The following ASH1L variants were observed in gnomAD, a reference collection of about 807,000 sequenced individuals.
ASH1L encodes ASH1 like histone lysine methyltransferase.
A neutral mutation model predicts 269.0 loss-of-function variants in ASH1L; 23 were observed. The observed-to-expected ratio is 0.09, with a 90% CI of 0.06 to 0.12. The LOEUF is 0.12. Among genes scored for constraint, ASH1L ranks in the 10% least tolerant of loss-of-function variants. The pLI, the probability that ASH1L is intolerant of heterozygous loss-of-function variation, is 1.00. For missense variants in ASH1L, 2,912 were observed against 3,567.8 expected (o/e 0.82, Z 4.68); for synonymous variants, 1,187 against 1,253.5 (o/e 0.95, Z 1.12).
rs371710202 is a variant in ASH1L, at chr1:155,438,512, C to G, written c.5643G>C (p.Glu1881Asp). 1.9e-6 allele frequency: 3 copies of G among 1,613,268 alleles called. No homozygotes were observed. The highest frequency in any genetic ancestry group is 2.5e-6 in the Non-Finnish European group (3 of 1,179,662). The change falls in exon 5 of 28, where the codon GAG becomes GAC. Residue 1881 changes from glutamate to aspartate, a missense_variant. This residue lies in a region of ASH1L where 789 missense variants were observed against 897.6 expected (regional missense o/e 0.88). Transcript: ENST00000392403. ...QFVNPELNRD[E>D]EGAALHLSPD... Reference sequence around the variant, plus strand: ...GACTGAGGTGCAGTGCTGCTCCTTCCTCGTCTCTGTTCAATTCTGGGTTGA... The same window carrying G: ...GACTGAGGTGCAGTGCTGCTCCTTCGTCGTCTCTGTTCAATTCTGGGTTGA...
chr1:155,385,611 C>G (rs183437991), intron 7 of ASH1L, among the ~76,000 whole-genome samples: 2 of 152,168 alleles, frequency 1.3e-5, no homozygotes, highest in Admixed American at 1.3e-4. Flanking sequence ...ATTGTCTTCC[C>G]AAAGTGCTGG....
chr1:155,395,162 G>A (rs1289869051), intron 7 of ASH1L, among the ~76,000 whole-genome samples: 1 of 151,992 alleles, frequency 6.6e-6, no homozygotes, highest in Non-Finnish European at 1.5e-5. Context: ...TCAACTCCTG[G>A]GCTCAAGCAA....
At chr1:155,423,197 C>T (rs887536429) in intron 5 of ASH1L, among the ~76,000 whole-genome samples, 4 of 151,842 alleles carry the variant, frequency 2.6e-5, no homozygotes, top group South Asian at 2.1e-4. Flanking sequence ...GATCTACCCA[C>T]CTCGGCCTCC....
intron 5 of ASH1L, among the ~76,000 whole-genome samples, chr1:155,430,859 C>G (rs1393374387): frequency 6.6e-6 from 1 of 152,068 alleles, no homozygotes; most frequent in Non-Finnish European, 1.5e-5. Context: ...CTGGGTTCAA[C>G]CAATCCTCCA....
At chr1:155,532,295 C>A (rs1669720472) in intron 1 of ASH1L, among the ~76,000 whole-genome samples, 1 of 152,126 alleles carries the variant, frequency 6.6e-6, no homozygotes, top group South Asian at 2.1e-4. Flanking sequence ...TAGAAAATTA[C>A]TAACCATATG....
intron 5 of ASH1L, among the ~76,000 whole-genome samples, chr1:155,422,239 C>T (rs1422744962): frequency 9.9e-5 from 15 of 150,938 alleles, no homozygotes; most frequent in African/African-American, 2.9e-4. Flanking sequence ...TGGGTTCAAG[C>T]GATTCTCCTG....
chr1:155,505,138 A>G (rs1401596987), intron 2 of ASH1L, among the ~76,000 whole-genome samples: 2 of 152,230 alleles, frequency 1.3e-5, no homozygotes, highest in East Asian at 1.9e-4. Context: ...TTTTCTTACT[A>G]TTTACCTACA....
At chr1:155,404,584 C>T (rs1053368183) in intron 6 of ASH1L, among the ~76,000 whole-genome samples, 4 of 151,926 alleles carry the variant, frequency 2.6e-5, no homozygotes, top group South Asian at 2.1e-4. Context: ...ACACACATGA[C>T]GGAATCCACT....
chr1:155,350,722 A>T (rs1570966592), intron 17 of ASH1L, among the ~76,000 whole-genome samples: 2 of 151,994 alleles, frequency 1.3e-5, no homozygotes, highest in African/African-American at 4.8e-5. Flanking sequence ...GGAGATCAAG[A>T]CCATCCTGGC....
intron 1 of ASH1L, among the ~76,000 whole-genome samples, chr1:155,532,347 T>C (rs1351893519): frequency 1.3e-5 from 2 of 152,158 alleles, no homozygotes; most frequent in Non-Finnish European, 2.9e-5. Context: ...ATAGGACATA[T>C]ACATTGTATA....
At chr1:155,553,502 G>A (rs943680151) in intron 1 of ASH1L, among the ~76,000 whole-genome samples, 2 of 152,090 alleles carry the variant, frequency 1.3e-5, no homozygotes, top group East Asian at 3.9e-4. Context: ...AAAATTTACC[G>A]ATCCAAATTA....
chr1:155,550,948 A>G (rs1671154536), intron 1 of ASH1L, among the ~76,000 whole-genome samples: 1 of 152,038 alleles, frequency 6.6e-6, no homozygotes, highest in African/African-American at 2.4e-5. Flanking sequence ...CAGCCTCCCA[A>G]GTAGCTGGGA....
chr1:155,377,906 C>T (rs2148437189), intron 10 of ASH1L, among the ~76,000 whole-genome samples: 1 of 152,052 alleles, frequency 6.6e-6, no homozygotes, highest in African/African-American at 2.4e-5. Context: ...GCCTGCAGTG[C>T]TGGCTACCAG....
In ASH1L at chr1:155,415,853, T is replaced by C; in HGVS notation, c.5899A>G (p.Thr1967Ala). ...ATGAGAGAAAGCACAGGCTGCAAGG[T>C]ACTTTCAGGTTCAGAAGGTTTAGCT... The part of the protein sequence containing the change: ...TPAKPSEPES[T>A]LQPVLSLIPR... Residue 1967 changes from threonine to alanine, a missense_variant, in exon 6 of 28, where the codon ACC (threonine) becomes GCC (alanine). Transcript: ENST00000392403. 1.2e-6 allele frequency: 2 copies of C among 1,613,904 alleles called. No homozygotes were observed. The highest frequency in any genetic ancestry group is 1.7e-6 in the Non-Finnish European group (2 of 1,179,964).
Position 155,481,172 on chromosome 1 carries a change from A to C in ASH1L, c.1698T>G (p.Pro566=). 1 of 1,614,080 alleles carries C rather than the reference A, an allele frequency of 6.2e-7. No individual in the cohort carries two copies. The highest frequency in any genetic ancestry group is 8.5e-7 in the Non-Finnish European group (1 of 1,179,986). The change falls in exon 3 of 28, where the codon CCT becomes CCG. Residue 566 remains proline, a synonymous_variant. Coordinates refer to ENST00000392403, the MANE Select transcript of ASH1L (RefSeq NM_018489.3). ...PSPSPTVSVN[P]LTRSPPETSS... ...AAGTTTCAGGGGGACTTCTGGTTAA[A>C]GGATTAACAGATACAGTAGGTGATG...
At chr1:155,355,573 T>C (rs1169449143) in intron 15 of ASH1L, among the ~76,000 whole-genome samples, 1 of 152,206 alleles carries the variant, frequency 6.6e-6, no homozygotes, top group African/African-American at 2.4e-5. Flanking sequence ...AAACTACTGA[T>C]ACCTGGGTTC....
At chr1:155,508,855 A>G (rs1028486279) in intron 2 of ASH1L, among the ~76,000 whole-genome samples, 9 of 152,178 alleles carry the variant, frequency 5.9e-5, no homozygotes, top group Non-Finnish European at 1.3e-4. Flanking sequence ...GCTGACCTAA[A>G]TAGGCACAAT....
At chr1:155,439,667 C>T (rs368451175) in intron 4 of ASH1L, among the ~76,000 whole-genome samples, 10 of 151,924 alleles carry the variant, frequency 6.6e-5, no homozygotes, top group Non-Finnish European at 1.3e-4. Context: ...CTAATCAGGA[C>T]GACAGAGCGA....
chr1:155,383,060 A>G (rs1407580653), intron 7 of ASH1L, among the ~76,000 whole-genome samples: 1 of 152,250 alleles, frequency 6.6e-6, no homozygotes, highest in African/African-American at 2.4e-5. Flanking sequence ...TAAAAAGAAG[A>G]AAAAATGTTA....
Sources: gnomAD v4.1 joint callset for allele counts (sites outside exome capture counted in the v4.1 genomes callset) on GRCh38, gnomAD v4.1.1 for gene constraint, gnomAD v4.1.1 regional missense constraint, MANE v1.5 for transcripts, NCBI Gene and HGNC (gene_info 2026-07-23, HGNC 2026-07-21) for gene names.